The following KHDRBS2 variants were observed in gnomAD, a reference collection of about 807,000 sequenced individuals.
KHDRBS2 encodes KH RNA binding domain containing, signal transduction associated 2.
In KHDRBS2, 26 loss-of-function variants were observed where a neutral mutation model predicts 44.3. The observed-to-expected ratio is 0.59, with a 90% CI of 0.43 to 0.81. The LOEUF (loss-of-function observed/expected upper bound fraction) is 0.81, where lower values mean the gene tolerates loss of function less well. Ranked by LOEUF, KHDRBS2 falls within the 40% of genes least tolerant of loss-of-function variation. The pLI is 0.00. For synonymous variants in KHDRBS2, 194 were observed against 151.1 expected (o/e 1.28, Z -2.08); for missense variants, 476 against 433.1 (o/e 1.10, Z -0.88).
At chr6:62,213,791 G>A (rs1250789806) in intron 1 of KHDRBS2, among the ~76,000 whole-genome samples, 5 of 147,538 alleles carry the variant, frequency 3.4e-5, no homozygotes, top group Admixed American at 6.9e-5. Context: ...GGAGGATGGC[G>A]TGAACCCAGG....
chr6:62,116,104 T>A (rs1584795713), intron 2 of KHDRBS2, among the ~76,000 whole-genome samples: 1 of 152,104 alleles, frequency 6.6e-6, no homozygotes, highest in East Asian at 1.9e-4. Context: ...TAATTAATTG[T>A]AAATTGACAA....
chr6:61,852,374 G>T (rs1194925605), intron 6 of KHDRBS2, among the ~76,000 whole-genome samples: 2 of 151,860 alleles, frequency 1.3e-5, no homozygotes, highest in Non-Finnish European at 2.9e-5. Context: ...GACAATCCTG[G>T]CCAACATGGT....
the KHDRBS2 span, among the ~76,000 whole-genome samples, chr6:61,631,869 C>A: frequency 6.6e-6 from 1 of 152,072 alleles, no homozygotes; most frequent in Non-Finnish European, 1.5e-5. Flanking sequence ...ATGGTCATTT[C>A]ATCAAAACTA....
chr6:61,987,540 T>G (rs2127241089), intron 3 of KHDRBS2, among the ~76,000 whole-genome samples: 1 of 152,300 alleles, frequency 6.6e-6, no homozygotes, highest in South Asian at 2.1e-4. Context: ...AACATAAATC[T>G]TCTTCAGAAA....
At chr6:61,858,238 C>T (rs1262355912) in intron 6 of KHDRBS2, among the ~76,000 whole-genome samples, 2 of 147,316 alleles carry the variant, frequency 1.4e-5, no homozygotes, top group Non-Finnish European at 3.0e-5. Flanking sequence ...AAGAATCTCT[C>T]ATGCAATTTA....
intron 2 of KHDRBS2, among the ~76,000 whole-genome samples, chr6:62,108,436 G>T (rs1804077722): frequency 1.3e-5 from 2 of 152,134 alleles, no homozygotes; most frequent in Admixed American, 6.5e-5. Flanking sequence ...TCATTAAAAA[G>T]TCAGGAAACA....
intron 4 of KHDRBS2, among the ~76,000 whole-genome samples, chr6:61,955,071 T>A (rs1256381462): frequency 7.0e-6 from 1 of 142,994 alleles, no homozygotes. Flanking sequence ...TATACACATA[T>A]ACGTGTGTAT....
chr6:62,218,852 T>G (rs1039930105), intron 1 of KHDRBS2, among the ~76,000 whole-genome samples: 1 of 151,814 alleles, frequency 6.6e-6, no homozygotes, highest in Admixed American at 6.6e-5. Context: ...GAAAATAAAA[T>G]CATGTCTTTT....
At chr6:62,072,399 G>A (rs1461511856) in intron 2 of KHDRBS2, among the ~76,000 whole-genome samples, 1 of 152,150 alleles carries the variant, frequency 6.6e-6, no homozygotes, top group Non-Finnish European at 1.5e-5. Context: ...AGTGGTGAGA[G>A]GGCATCCCTG....
chr6:61,742,879 G>T (rs1776343903), intron 6 of KHDRBS2, among the ~76,000 whole-genome samples: 1 of 151,982 alleles, frequency 6.6e-6, no homozygotes, highest in South Asian at 2.1e-4. Flanking sequence ...TTCCTATGTA[G>T]ATTGTAGCTG....
chr6:62,093,856 TTGTGTGTGTGTGTGTG>T (rs61194705), intron 2 of KHDRBS2, among the ~76,000 whole-genome samples: 1 of 143,214 alleles, frequency 7.0e-6, no homozygotes, highest in East Asian at 2.1e-4. Flanking sequence ...TTCCATTGTT[TTGTGTGTGTGTGTGTG>T]TGTGTGTGTG....
chr6:61,806,143 G>T (rs975171721), intron 6 of KHDRBS2, among the ~76,000 whole-genome samples: 3 of 152,082 alleles, frequency 2.0e-5, no homozygotes, highest in African/African-American at 7.2e-5. Context: ...AAGAAGTGTG[G>T]TCTACATTCT....
At chr6:62,093,646 C>T (rs1799920120) in intron 2 of KHDRBS2, among the ~76,000 whole-genome samples, 1 of 151,832 alleles carries the variant, frequency 6.6e-6, no homozygotes, top group Non-Finnish European at 1.5e-5. Context: ...CTCATCCCTC[C>T]TTTACACCCT....
chr6:61,941,769 T>C (rs755780963), intron 4 of KHDRBS2, among the ~76,000 whole-genome samples: 1 of 152,176 alleles, frequency 6.6e-6, no homozygotes, highest in Non-Finnish European at 1.5e-5. Context: ...AAAAGTGTTC[T>C]GCTATTAAAG....
intron 3 of KHDRBS2, among the ~76,000 whole-genome samples, chr6:62,033,158 T>C (rs79034369): frequency 0.047 from 7,087 of 151,562 alleles, 215 homozygotes; most frequent in African/African-American, 0.074. Flanking sequence ...TATTTGAAAA[T>C]ACCCAAACAG....
At chr6:61,960,585 G>T (rs1768452078) in intron 4 of KHDRBS2, among the ~76,000 whole-genome samples, 1 of 151,866 alleles carries the variant, frequency 6.6e-6, no homozygotes, top group South Asian at 2.1e-4. Context: ...TATAGGGATG[G>T]GTTTTATAGC....
At chr6:61,955,129 C>CAT (rs1766340730) in intron 4 of KHDRBS2, among the ~76,000 whole-genome samples, 1 of 141,950 alleles carries the variant, frequency 7.0e-6, no homozygotes, top group Non-Finnish European at 1.5e-5. Context: ...TATATGTATA[C>CAT]ATATGTATAT....
the KHDRBS2 span, among the ~76,000 whole-genome samples, chr6:61,542,685 G>A: frequency 6.6e-6 from 1 of 151,860 alleles, no homozygotes; most frequent in Admixed American, 6.6e-5. Context: ...CTTATTTCAA[G>A]ATCTCAAATC....
At chr6:62,260,798 T>C (rs1294080695) in intron 1 of KHDRBS2, among the ~76,000 whole-genome samples, 4 of 151,924 alleles carry the variant, frequency 2.6e-5, no homozygotes, top group Non-Finnish European at 5.9e-5. Flanking sequence ...AGTATTTCCA[T>C]TCCTGTTGTT....
Sources: allele counts gnomAD v4.1 joint callset (sites outside exome capture counted in the v4.1 genomes callset), GRCh38; gene constraint gnomAD v4.1.1; transcripts MANE v1.5; gene names NCBI Gene and HGNC (gene_info 2026-07-23, HGNC 2026-07-21).